The following NRXN3 variants were observed in gnomAD, a reference collection of about 807,000 sequenced individuals.
NRXN3 encodes the protein neurexin III.
Under a neutral mutation model 137.6 loss-of-function variants are expected in NRXN3, and 32 were observed. That is an observed-to-expected ratio of 0.23 (90% confidence interval 0.18 to 0.31). The LOEUF is 0.31. NRXN3 is among the 10% of genes least tolerant of loss of function. The pLI is 1.00. For synonymous variants in NRXN3, 798 were observed against 784.5 expected (o/e 1.02, Z -0.29); for missense variants, 1,574 against 2,062.5 (o/e 0.76, Z 4.59).
chr14:79,116,814 C>A lies in NRXN3; in HGVS notation c.3262+128673C>A, dbSNP rs535553462. ...TTGATAATATTTTATTAAGACATAG[C>A]AAAAGATATAGCAGGGTCGTTAGAT... On this transcript the variant is annotated intron_variant, in intron 15 of 20. Transcript: ENST00000335750. Among the ~76,000 whole-genome samples, 3 of 152,208 alleles carry A rather than the reference C, an allele frequency of 2.0e-5. No individual in the cohort carries two copies. The South Asian group carries it at 6.2e-4, about 32-fold the overall frequency.
At chr14:78,789,274 T>C (rs949435390) in intron 8 of NRXN3, among the ~76,000 whole-genome samples, 5 of 152,188 alleles carry the variant, frequency 3.3e-5, no homozygotes, top group Non-Finnish European at 5.9e-5. Context: ...TAGAGTCATC[T>C]ATGTGTTCCC....
chr14:78,585,479 C>T (rs1048243346), intron 4 of NRXN3, among the ~76,000 whole-genome samples: 1 of 152,142 alleles, frequency 6.6e-6, no homozygotes, highest in African/African-American at 2.4e-5. Flanking sequence ...AAAAGTTGAT[C>T]ACTCCTGCGG....
At chr14:78,700,384 T>C (rs1166961408) in intron 6 of NRXN3, among the ~76,000 whole-genome samples, 1 of 152,140 alleles carries the variant, frequency 6.6e-6, no homozygotes, top group African/African-American at 2.4e-5. Context: ...TTCATCTGGG[T>C]TGAGTGGAAG....
At chr14:79,087,568 G>A (rs578152057) in intron 15 of NRXN3, among the ~76,000 whole-genome samples, 7 of 152,302 alleles carry the variant, frequency 4.6e-5, no homozygotes, top group Admixed American at 3.3e-4. Flanking sequence ...CTTGGTAGTG[G>A]TGATACCTTA....
At chr14:78,683,803 T>G (rs2098100285) in intron 6 of NRXN3, among the ~76,000 whole-genome samples, 2 of 152,224 alleles carry the variant, frequency 1.3e-5, no homozygotes. Flanking sequence ...AATTCTTTAT[T>G]GATCAATAGA....
At chr14:79,331,684 T>C (rs1457580769) in intron 15 of NRXN3, among the ~76,000 whole-genome samples, 3 of 152,198 alleles carry the variant, frequency 2.0e-5, no homozygotes, top group African/African-American at 7.2e-5. Context: ...GAAATTCCCA[T>C]GTAAGTGTAT....
At chr14:79,281,424 A>G (rs2081258916) in intron 15 of NRXN3, among the ~76,000 whole-genome samples, 1 of 152,128 alleles carries the variant, frequency 6.6e-6, no homozygotes, top group African/African-American at 2.4e-5. Context: ...GGCTGCCTCT[A>G]AAAGGGCGAT....
At chr14:79,771,342 G>A (rs371719111) in intron 19 of NRXN3, among the ~76,000 whole-genome samples, 5 of 152,134 alleles carry the variant, frequency 3.3e-5, no homozygotes, top group Admixed American at 1.3e-4. Flanking sequence ...TTTTAGACCA[G>A]TATCCTTGAT....
chr14:79,091,374 A>G (rs1006811974), intron 15 of NRXN3, among the ~76,000 whole-genome samples: 2 of 152,170 alleles, frequency 1.3e-5, no homozygotes, highest in Non-Finnish European at 2.9e-5. Context: ...GTATGTAAAA[A>G]TCAAGAGGAG....
chr14:79,169,905 G>A (rs1481996615), intron 15 of NRXN3, among the ~76,000 whole-genome samples: 1 of 152,018 alleles, frequency 6.6e-6, no homozygotes, highest in Non-Finnish European at 1.5e-5. Context: ...CAATCCACAG[G>A]TGAGATTGAG....
intron 19 of NRXN3, among the ~76,000 whole-genome samples, chr14:79,768,311 C>G (rs2099063579): frequency 6.6e-6 from 1 of 152,246 alleles, no homozygotes. Context: ...GGCTCCACCT[C>G]TGGGGGCAGG....
At chr14:78,174,336 G>A (rs1265329281) in intron 1 of NRXN3, among the ~76,000 whole-genome samples, 1 of 152,068 alleles carries the variant, frequency 6.6e-6, no homozygotes, top group African/African-American at 2.4e-5. Flanking sequence ...ACACCAACAC[G>A]CACAGCTCTG....
chr14:79,151,047 G>C (rs1241569130), intron 15 of NRXN3, among the ~76,000 whole-genome samples: 1 of 151,944 alleles, frequency 6.6e-6, no homozygotes, highest in African/African-American at 2.4e-5. Flanking sequence ...ATATGATCAG[G>C]CTCTGAAAGA....
chr14:79,399,872 T>A (rs1235505250), intron 15 of NRXN3, among the ~76,000 whole-genome samples: 1 of 152,136 alleles, frequency 6.6e-6, no homozygotes, highest in South Asian at 2.1e-4. Context: ...GGGAGAATTC[T>A]TCCTTGCCTT....
At chr14:79,831,731 A>G (rs1156604059) in intron 20 of NRXN3, among the ~76,000 whole-genome samples, 1 of 152,168 alleles carries the variant, frequency 6.6e-6, no homozygotes, top group East Asian at 1.9e-4. Flanking sequence ...CCACTGCAAC[A>G]GCTAATACAG....
chr14:79,662,034 A>T (rs2098536897), intron 16 of NRXN3, among the ~76,000 whole-genome samples: 1 of 152,008 alleles, frequency 6.6e-6, no homozygotes, highest in Admixed American at 6.6e-5. Flanking sequence ...TGATGGTTTT[A>T]TGAGGGGGTT....
intron 15 of NRXN3, among the ~76,000 whole-genome samples, chr14:79,119,141 A>G (rs961451296): frequency 6.6e-6 from 1 of 152,206 alleles, no homozygotes; most frequent in Non-Finnish European, 1.5e-5. Context: ...GTGATTTCTC[A>G]TAACATTTCA....
chr14:78,630,130 A>G (rs986233494), intron 4 of NRXN3, among the ~76,000 whole-genome samples: 1 of 152,136 alleles, frequency 6.6e-6, no homozygotes, highest in African/African-American at 2.4e-5. Context: ...TCTCATTTCT[A>G]GGCAAATTGG....
intron 15 of NRXN3, among the ~76,000 whole-genome samples, chr14:79,130,177 C>T (rs939745391): frequency 6.6e-6 from 1 of 151,344 alleles, no homozygotes; most frequent in African/African-American, 2.4e-5. Context: ...AGTCCATTTA[C>T]ATTTAAAGTT....
Sources: allele counts gnomAD v4.1 joint callset (sites outside exome capture counted in the v4.1 genomes callset), GRCh38; gene constraint gnomAD v4.1.1; transcripts MANE v1.5; gene names NCBI Gene and HGNC (gene_info 2026-07-23, HGNC 2026-07-21).